The following PAMR1 variants were observed in gnomAD, a reference collection of about 807,000 sequenced individuals.
The protein encoded by PAMR1 is inactive serine protease PAMR1.
Under a neutral mutation model 81.8 loss-of-function variants are expected in PAMR1, and 88 were observed. That is an observed-to-expected ratio of 1.08 (90% CI 0.91 to 1.28). The LOEUF is 1.28. Among genes scored for constraint, PAMR1 ranks in the 50% most tolerant of loss-of-function variants. The pLI is 0.00. For missense variants in PAMR1, 935 were observed against 919.7 expected, an observed-to-expected ratio of 1.02 and a Z score of -0.21; for synonymous variants, 336 against 345.3, an observed-to-expected ratio of 0.97 and a Z score of 0.30.
At chr11:35,502,988 T>G (rs1305405224) in intron 1 of PAMR1, among the ~76,000 whole-genome samples, 3 of 72,038 alleles carry the variant, frequency 4.2e-5, no homozygotes, top group Non-Finnish European at 8.7e-5. Context: ...TGGATTTAGT[T>G]TTTAATTCAT....
rs373941520 is a variant in PAMR1, at chr11:35,432,492, C to T, written c.2027G>A (p.Arg676Gln). 40 of 1,614,098 alleles carry T rather than the reference C, an allele frequency of 2.5e-5. No individual in the cohort carries two copies. The highest frequency in any genetic ancestry group is 2.0e-4 in the South Asian group (18 of 91,078). The change falls in exon 11 of 11, where the codon CGA becomes CAA. Residue 676 changes from arginine (R) to glutamine (Q), a missense_variant. Arg to Gln is a conservative substitution (Grantham distance 43). Coordinates refer to ENST00000619888, the MANE Select transcript of PAMR1 (RefSeq NM_001001991.3). The stretch of plus-strand genomic sequence containing the variant: ...ATGCCAGCGTGGCTCAGGAGATGCT[C>T]GTCCCGGGAAGGACACAGCCGCGAT... ...GGIAAVSFPG[R>Q]ASPEPRWHLM...
intron 2 of PAMR1, among the ~76,000 whole-genome samples, chr11:35,493,549 G>A (rs1453383748): frequency 1.2e-4 from 19 of 152,064 alleles, no homozygotes; most frequent in Non-Finnish European, 2.4e-4. Flanking sequence ...CAGGACCTTC[G>A]CACATGTTAT....
At chr11:35,528,185 A>T (rs625568), upstream of PAMR1, among the ~76,000 whole-genome samples, 28 of 151,978 alleles carry the variant, frequency 1.8e-4, no homozygotes, top group Admixed American at 3.9e-4. Context: ...GCAGTTAAGA[A>T]GAAGTAGATA....
intron 6 of PAMR1, among the ~76,000 whole-genome samples, chr11:35,460,484 C>A (rs559014028): frequency 2.0e-5 from 3 of 152,244 alleles, no homozygotes; most frequent in Non-Finnish European, 2.9e-5. Context: ...ACTCCCCCCA[C>A]CCCACAACAG....
At chr11:35,439,726 T>C (rs748645169) in intron 7 of PAMR1, 33 bp from the exon 8 acceptor site, 1 of 1,553,864 alleles carries the variant, frequency 6.4e-7, no homozygotes, top group African/African-American at 1.4e-5. Flanking sequence ...TGCATGATCC[T>C]TTTCCATATT....
chr11:35,438,274 A>G (rs1306855401), intron 8 of PAMR1, among the ~76,000 whole-genome samples: 1 of 152,224 alleles, frequency 6.6e-6, no homozygotes, highest in East Asian at 1.9e-4. Flanking sequence ...TAAAATCTGT[A>G]ATAAAATGGT....
At chr11:35,474,461 A>G (rs868176867) in intron 4 of PAMR1, among the ~76,000 whole-genome samples, 169 bp downstream of exon 4, 2 of 152,216 alleles carry the variant, frequency 1.3e-5, no homozygotes, top group South Asian at 4.1e-4. Context: ...GATGACAAGC[A>G]TTTAGTTGGC....
chr11:35,466,433 A>G (rs563542929), intron 6 of PAMR1, among the ~76,000 whole-genome samples: 2 of 152,308 alleles, frequency 1.3e-5, no homozygotes, highest in East Asian at 1.9e-4. Flanking sequence ...GCAAGAAAAC[A>G]TTAGTGAAAA....
At chr11:35,485,941 T>C (rs1272908225) in intron 3 of PAMR1, among the ~76,000 whole-genome samples, 1 of 152,266 alleles carries the variant, frequency 6.6e-6, no homozygotes, top group African/African-American at 2.4e-5. Flanking sequence ...CCCAGCCATA[T>C]GTAGGCGACC....
At chr11:35,444,262 A>G (rs1856245906) in intron 6 of PAMR1, among the ~76,000 whole-genome samples, 1 of 152,106 alleles carries the variant, frequency 6.6e-6, no homozygotes, top group Non-Finnish European at 1.5e-5. Flanking sequence ...TCAGTTGGAT[A>G]GGTTCCAAAA....
At chr11:35,527,946 A>G (rs572701629), upstream of PAMR1, among the ~76,000 whole-genome samples, 9 of 152,104 alleles carry the variant, frequency 5.9e-5, no homozygotes, top group East Asian at 1.5e-3. Flanking sequence ...TGATTCAACT[A>G]TCTCCACCTG....
chr11:35,441,399 G>T, intron 7 of PAMR1, 82 bp downstream of exon 7: 1 of 966,096 alleles, frequency 1.0e-6, no homozygotes, highest in Non-Finnish European at 1.6e-6. Context: ...TTTTCCAGGG[G>T]CTTAAAAACA....
intron 1 of PAMR1, among the ~76,000 whole-genome samples, chr11:35,508,920 T>C (rs1160035502): frequency 6.6e-6 from 1 of 152,222 alleles, no homozygotes; most frequent in African/African-American, 2.4e-5. Context: ...TGTGTATATG[T>C]ACCACATTTT....
chr11:35,524,103 CAT>C (rs1438763485), intron 1 of PAMR1, among the ~76,000 whole-genome samples: 1 of 152,150 alleles, frequency 6.6e-6, no homozygotes, highest in Non-Finnish European at 1.5e-5. Flanking sequence ...CCACCGACAC[CAT>C]GCAAAGGCGA....
Position 35,492,106 on chromosome 11 carries a change from G to C in PAMR1, c.318C>G (p.Phe106Leu), listed in dbSNP as rs766037414. ...CTGCACAGTAGAACCCCTTCACATA[G>C]AAGTCATCCAAGGTACCCCCCCATG... ...NGSWGGTLDD[F>L]YVKGFYCAEC... Residue 106 changes from phenylalanine to leucine, a missense_variant, in exon 3 of 11, where the codon TTC (phenylalanine) becomes TTG (leucine). Coordinates refer to ENST00000619888, the MANE Select transcript of PAMR1 (RefSeq NM_001001991.3). The C allele has an allele frequency of 9.9e-6, 16 of 1,613,960 alleles. No individual in the cohort carries two copies. The highest frequency in any genetic ancestry group is 1.4e-5 in the Non-Finnish European group (16 of 1,179,982).
At chr11:35,514,834 G>A (rs1031287987) in intron 1 of PAMR1, among the ~76,000 whole-genome samples, 4 of 151,892 alleles carry the variant, frequency 2.6e-5, no homozygotes, top group Non-Finnish European at 5.9e-5. Flanking sequence ...ACACCCCCTG[G>A]TTTCTACAAA....
intron 6 of PAMR1, among the ~76,000 whole-genome samples, chr11:35,462,264 T>G (rs1856671615): frequency 6.6e-6 from 1 of 152,160 alleles, no homozygotes; most frequent in Non-Finnish European, 1.5e-5. Flanking sequence ...TATTTGTCAT[T>G]TCTAACAGCT....
Position 35,444,977 on chromosome 11 carries a change from G to A in PAMR1, c.821-3284C>T, listed in dbSNP as rs558930771. On this transcript the variant is annotated intron_variant, in intron 6 of 10. Coordinates refer to ENST00000619888, the MANE Select transcript of PAMR1 (RefSeq NM_001001991.3). ...TTGATTTTTCCTATCCATGAGCGTGGAATGTTTTTCCATTTGTTTGTGTCC... is the reference window on the plus strand; with the variant it reads ...TTGATTTTTCCTATCCATGAGCGTGAAATGTTTTTCCATTTGTTTGTGTCC... Among the ~76,000 whole-genome samples the A allele has an allele frequency of 6.2e-3, 949 of 152,284 alleles. 9 individuals are homozygous for A. The highest frequency in any genetic ancestry group is 0.022 in the African/African-American group (908 of 41,540).
intron 1 of PAMR1, among the ~76,000 whole-genome samples, chr11:35,500,212 A>G (rs547997328): frequency 3.3e-5 from 5 of 152,180 alleles, no homozygotes; most frequent in Non-Finnish European, 5.9e-5. Context: ...AGTTGTGGTA[A>G]TTTGTTACAG....
Sources: gnomAD v4.1 joint callset for allele counts (sites outside exome capture counted in the v4.1 genomes callset) on GRCh38, gnomAD v4.1.1 for gene constraint, MANE v1.5 for transcripts, NCBI Gene and HGNC (gene_info 2026-07-23, HGNC 2026-07-21) for gene names.